TTF1: variants seen among roughly 807,000 people sequenced by gnomAD.
TTF1 encodes transcription termination factor, RNA polymerase I.
TTF1 carries 64 observed loss-of-function variants against 80.2 expected under a neutral mutation model. The ratio of observed to expected loss-of-function variants is 0.80; its 90% CI spans 0.65 to 0.98. The LOEUF is 0.98. Among genes scored for constraint, TTF1 ranks in the 50% least tolerant of loss-of-function variants. The pLI is 0.00. For synonymous variants in TTF1, 372 were observed against 382.7 expected (o/e 0.97, Z 0.33); for missense variants, 1,023 against 1,086.2 (o/e 0.94, Z 0.82).
chr9:132,392,457 T>C (rs1849576717), intron 5 of TTF1, among the ~76,000 whole-genome samples: 1 of 152,130 alleles, frequency 6.6e-6, no homozygotes, highest in African/African-American at 2.4e-5. Context: ...CTTCTTCAGC[T>C]CAGAGCCTCT....
intron 9 of TTF1, among the ~76,000 whole-genome samples, chr9:132,382,670 G>A (rs1288077076): frequency 2.6e-5 from 4 of 151,410 alleles, no homozygotes; most frequent in Non-Finnish European, 4.4e-5. Context: ...GGTGGCTCAC[G>A]TCTGTAATCC....
At chr9:132,381,830 T>A (rs1274435930) in intron 9 of TTF1, among the ~76,000 whole-genome samples, 2 of 152,198 alleles carry the variant, frequency 1.3e-5, no homozygotes, top group Non-Finnish European at 2.9e-5. Context: ...AGAACCAGTT[T>A]AAACCCTCCC....
chr9:132,393,786 A>T (rs1049277932), intron 5 of TTF1, among the ~76,000 whole-genome samples: 1 of 152,200 alleles, frequency 6.6e-6, no homozygotes, highest in Non-Finnish European at 1.5e-5. Context: ...GCACTATAAT[A>T]TTATAAATGG....
rs143299954 is a variant in TTF1, at chr9:132,401,749, G to A, written c.1073C>T (p.Pro358Leu). Reference protein sequence around the residue: ...AMPESLESAYPEGSQVGSEVG... With the variant: ...AMPESLESAYLEGSQVGSEVG... The stretch of plus-strand genomic sequence containing the variant: ...CTCACTGCCCACCTGTGATCCTTCA[G>A]GGTATGCACTCTCGAGGCTCTCAGG... The change falls in exon 2 of 11, where the codon CCT becomes CTT. Residue 358 changes from proline to leucine, a missense_variant. Physicochemically the swap from Pro to Leu is moderately conservative, Grantham distance 98 (BLOSUM62 -3). Transcript: ENST00000334270. 2.2e-3 allele frequency: 3,472 copies of A among 1,614,124 alleles called. 3 individuals are homozygous for A. The highest frequency in any genetic ancestry group is 6.3e-3 in the Middle Eastern group (38 of 6,062).
At chr9:132,385,573 A>G (rs1331003626) in intron 9 of TTF1, among the ~76,000 whole-genome samples, 2 of 152,088 alleles carry the variant, frequency 1.3e-5, no homozygotes, top group Non-Finnish European at 2.9e-5. Flanking sequence ...GTCCGCATTC[A>G]CTACTCTCTG....
chr9:132,396,222 C>T (rs1182958869), intron 5 of TTF1, among the ~76,000 whole-genome samples: 1 of 152,108 alleles, frequency 6.6e-6, no homozygotes, highest in African/African-American at 2.4e-5. Flanking sequence ...GCTGCAGATG[C>T]AGGAAACAGA....
chr9:132,405,040 G>A (rs1055986343), intron 1 of TTF1, among the ~76,000 whole-genome samples: 3 of 149,208 alleles, frequency 2.0e-5, no homozygotes, highest in African/African-American at 7.4e-5. Context: ...TGCCCGCCAC[G>A]ACGCCAGGCT....
At position 132,396,305 on chromosome 9, in the gene TTF1, C is replaced by T. The variant is rs1166319; in HGVS notation, c.1856+128G>A. On this transcript the variant is annotated intron_variant, in intron 5 of 10. Coordinates refer to ENST00000334270, the MANE Select transcript of TTF1 (RefSeq NM_007344.4). Reference sequence around the variant, plus strand: ...AGACACACATTTGACAACAAATACACCACCTGGTTTCACACACACAAATCT... The same window carrying T: ...AGACACACATTTGACAACAAATACATCACCTGGTTTCACACACACAAATCT... 159,504 of 910,836 alleles carry T rather than the reference C, an allele frequency of 0.18. 16,459 individuals carry two copies. Among genetic ancestry groups the T allele is most frequent in the African/African-American group, 0.37 (22,250 of 60,584 alleles). 56.4% of individuals were successfully genotyped at this position (910,836 alleles called of 1,614,324 possible).
chr9:132,391,743 C>T lies in TTF1; in HGVS notation c.1987+333G>A, dbSNP rs1849562418. Among the ~76,000 whole-genome samples, 4 of 152,316 alleles carry T rather than the reference C, an allele frequency of 2.6e-5. No homozygotes were observed. The South Asian group carries it at 8.3e-4, about 32-fold the overall frequency. ...ACGGGCACGAACTGCGTGCCTGCCT[C>T]CCTCCCAACGTGTCCCGTGCCACTG... On this transcript the variant is annotated intron_variant, in intron 6 of 10. Coordinates refer to ENST00000334270, the MANE Select transcript of TTF1 (RefSeq NM_007344.4).
At position 132,400,223 on chromosome 9, in the gene TTF1, G is replaced by A; in HGVS notation, c.1403C>T (p.Thr468Ile). Residue 468 changes from threonine to isoleucine, a missense_variant, in exon 3 of 11, where the codon ACA becomes ATA. Thr to Ile is a moderately conservative substitution (Grantham distance 89). Coordinates refer to ENST00000334270, the MANE Select transcript of TTF1 (RefSeq NM_007344.4). ...GTATCTTATTTCGGAATCTTCAGCT[G>A]TTTCCACATTGTGTTCTTCATTTGC... ...EPANEEHNVE[T>I]AEDSEIRYLS... 6.2e-7 allele frequency: 1 copy of A among 1,614,192 alleles called. No individual in the cohort carries two copies. Among genetic ancestry groups the A allele is most frequent in the Non-Finnish European group, 8.5e-7 (1 of 1,180,034 alleles).
intron 7 of TTF1, 63 bp from the exon 8 acceptor site, chr9:132,388,291 T>G: frequency 8.3e-7 from 1 of 1,205,958 alleles, no homozygotes; most frequent in South Asian, 1.4e-5. Context: ...TAAAATATCC[T>G]ATATTTTTCT....
Position 132,401,928 on chromosome 9 carries a change from T to C in TTF1, c.894A>G (p.Gln298=), listed in dbSNP as rs1187569175. ...TATCAGCCCCAACCTCACTGCCCAC[T>C]TGTGATCCTTCAGGCATGGCCAATG... ...FEALAMPEGS[Q]VGSEVGADMQ... The change falls in exon 2 of 11, where the codon CAA becomes CAG. Residue 298 remains glutamine (Q), a synonymous_variant. Coordinates refer to ENST00000334270, the MANE Select transcript of TTF1 (RefSeq NM_007344.4). 3 of 1,610,886 alleles carry C rather than the reference T, an allele frequency of 1.9e-6. No homozygotes were observed. In the South Asian group the frequency reaches 3.3e-5, roughly 18 times the overall value.
Position 132,402,030 on chromosome 9 carries a change from T to G in TTF1, c.792A>C (p.Pro264=). 1 of 1,614,130 alleles carries G rather than the reference T, an allele frequency of 6.2e-7. No individual in the cohort carries two copies. Among genetic ancestry groups the G allele is most frequent in the East Asian group, 2.2e-5 (1 of 44,872 alleles). The change falls in exon 2 of 11, where the codon CCA becomes CCC. Residue 264 remains proline, a synonymous_variant. Transcript: ENST00000334270. ...QPTVGLDDET[P]QLLGPTHKKK... ...TTTTGTGAGTAGGTCCTAGTAGTTG[T>G]GGAGTTTCATCATCCAAGCCCACAG...
At chr9:132,397,321 A>G (rs1411728420) in intron 4 of TTF1, among the ~76,000 whole-genome samples, 2 of 152,228 alleles carry the variant, frequency 1.3e-5, no homozygotes, top group Non-Finnish European at 2.9e-5. Context: ...ACGGGGGCGT[A>G]CTAGCCTGCT....
chr9:132,401,932 G>A lies in TTF1; in HGVS notation c.890C>T (p.Ser297Leu). Reference sequence around the variant, plus strand: ...AGCCCCAACCTCACTGCCCACTTGTGATCCTTCAGGCATGGCCAATGCCTC... The same window carrying A: ...AGCCCCAACCTCACTGCCCACTTGTAATCCTTCAGGCATGGCCAATGCCTC... ...EFEALAMPEG[S>L]QVGSEVGADM... The change falls in exon 2 of 11, where the codon TCA (serine) becomes TTA (leucine). Residue 297 changes from serine (S) to leucine (L), a missense_variant. By Grantham distance (145) the Ser-to-Leu change is moderately radical. Coordinates refer to ENST00000334270, the MANE Select transcript of TTF1 (RefSeq NM_007344.4). 1 of 1,610,988 alleles carries A rather than the reference G, an allele frequency of 6.2e-7. No homozygotes were observed. Among genetic ancestry groups the A allele is most frequent in the Non-Finnish European group, 8.5e-7 (1 of 1,178,780 alleles).
In TTF1 at chr9:132,396,503, T is replaced by C. The variant is rs1349894377; in HGVS notation, c.1786A>G (p.Ile596Val). 3.1e-6 allele frequency: 5 copies of C among 1,614,114 alleles called. No individual in the cohort carries two copies. The highest frequency in any genetic ancestry group is 1.7e-5 in the Admixed American group (1 of 60,000). Residue 596 changes from isoleucine (I) to valine (V), a missense_variant, in exon 5 of 11, where the codon ATT (isoleucine) becomes GTT (valine). Physicochemically the swap from Ile to Val is conservative, Grantham distance 29. Transcript: ENST00000334270. ...TATATAAGTTTCCAGGGCCGGGCAA[T>C]GTTCCTACCTAAAGTCAGAAGAAAG... ...YSFRLHIGRN[I>V]ARPWKLIYYR...
Position 132,401,649 on chromosome 9 carries a change from T to C in TTF1, c.1173A>G (p.Lys391=). ...CCCTTTTGACAGACGTAAGCTTCCT[T>C]TTCTTAGACTTCTTCTTTGTACTGT... ...ESNSTKKKSK[K]RKLTSVKRAR... is the part of the protein sequence containing the mutation. Residue 391 remains lysine (K), a synonymous_variant, in exon 2 of 11, where the codon AAA becomes AAG. Coordinates refer to ENST00000334270, the MANE Select transcript of TTF1 (RefSeq NM_007344.4). 2 of 1,614,180 alleles carry C rather than the reference T, an allele frequency of 1.2e-6. No individual in the cohort carries two copies. Among genetic ancestry groups the C allele is most frequent in the Non-Finnish European group, 1.7e-6 (2 of 1,180,046 alleles).
rs760324136 is a variant in TTF1 at position 132,402,791 on chromosome 9, G to A, written c.31C>T (p.His11Tyr). The A allele has an allele frequency of 3.1e-6, 5 of 1,590,190 alleles. No homozygotes were observed. In the Admixed American group the frequency reaches 7.4e-5, roughly 23 times the overall value. The stretch of plus-strand genomic sequence containing the variant: ...TTTTTCTTGTCAGAAACTGGAGTGT[G>A]GATTTCAAATCTGCTTGATTCTCCT... MEGESSRFEI[H>Y]TPVSDKKKKK... is the part of the protein sequence containing the mutation. Residue 11 changes from histidine (H) to tyrosine (Y), a missense_variant, in exon 2 of 11, where the codon CAC becomes TAC. Physicochemically the swap from His to Tyr is moderately conservative, Grantham distance 83. Transcript: ENST00000334270.
chr9:132,376,198 ATCTG>A, intron 10 of TTF1, 30 bp from the exon 11 acceptor site: 2 of 1,598,878 alleles, frequency 1.3e-6, no homozygotes, highest in Non-Finnish European at 1.7e-6. Context: ...TTGTGCAGTT[ATCTG>A]TCTGTACAAG....
Sources: gnomAD v4.1 joint callset for allele counts (sites outside exome capture counted in the v4.1 genomes callset) on GRCh38, gnomAD v4.1.1 for gene constraint, MANE v1.5 for transcripts, NCBI Gene and HGNC (gene_info 2026-07-23, HGNC 2026-07-21) for gene names.